NLRC3: variants seen among roughly 807,000 people sequenced by gnomAD.
The protein encoded by NLRC3 is NLR family CARD domain containing 3, also known as NLR family CARD domain-containing protein 3.
Under a neutral mutation model 91.6 loss-of-function variants are expected in NLRC3, and 87 were observed. The ratio of observed to expected loss-of-function variants is 0.95; its 90% CI spans 0.80 to 1.14. The LOEUF is 1.14. Among genes scored for constraint, NLRC3 ranks in the 50% most tolerant of loss-of-function variants. NLRC3 has a pLI of 0.00. For missense variants in NLRC3, 1,577 were observed against 1,418.6 expected (o/e 1.11, Z -1.79); for synonymous variants, 694 against 625.3 (o/e 1.11, Z -1.64).
At position 3,564,436 on chromosome 16, in the gene NLRC3, G is replaced by A. The variant is rs775532022; in HGVS notation, c.501C>T (p.Val167=). ...GCAGCACCAGCGAGAAGTCCTTGCC[G>A]ACCTGCCCATGGGCCCAGAGGCGGA... ...HFVRLWAHGQ[V]GKDFSLVLPL... The change falls in exon 5 of 20, where the codon GTC becomes GTT. Residue 167 remains valine (V), a synonymous_variant. Coordinates refer to ENST00000359128, the MANE Select transcript of NLRC3 (RefSeq NM_178844.4). This position sits in a 1 kb window ranked among gnomAD's most constrained non-coding sequence, Gnocchi z 5.9. 2.0e-5 allele frequency: 33 copies of A among 1,612,630 alleles called. No homozygotes were observed. The highest frequency in any genetic ancestry group is 1.1e-5 in the Non-Finnish European group (13 of 1,179,882).
At chr16:3,569,371 C>CATAT (rs139927647) in intron 1 of NLRC3, among the ~76,000 whole-genome samples, 2 of 70,406 alleles carry the variant, frequency 2.8e-5, no homozygotes, top group African/African-American at 6.7e-5. Flanking sequence ...TTCTGAAAAC[C>CATAT]ATATATATAT....
chr16:3,562,758 C>G (rs2039666997), intron 5 of NLRC3: 2 of 589,618 alleles, frequency 3.4e-6, no homozygotes, highest in East Asian at 5.9e-5. Flanking sequence ...ACACTGGAAG[C>G]TAGAGAGGAA....
chr16:3,557,795 T>C, intron 6 of NLRC3, 119 bp from the exon 7 acceptor site: 1 of 668,766 alleles, frequency 1.5e-6, no homozygotes, highest in Non-Finnish European at 2.7e-6. Context: ...GGTCTGGACA[T>C]AGGTGGAGAT....
rs147949564 is a variant in NLRC3 at position 3,542,840 on chromosome 16, C to T, written c.2940-65G>A. 2,704 of 1,156,294 alleles carry T rather than the reference C, an allele frequency of 2.3e-3. 13 individuals are homozygous for T. Among genetic ancestry groups the T allele is most frequent in the African/African-American group, 0.013 (873 of 65,752 alleles). 71.6% of individuals were successfully genotyped at this position (1,156,294 alleles called of 1,614,324 possible). A position where few individuals can be genotyped will look rare whatever the true frequency, so the allele number is the denominator to read the frequency against. ...CTGAGAGGTGATACTGACCCCTCTG[C>T]GGGTGGGCTTGGGGCTGCTTGGTAG... On this transcript the variant is annotated intron_variant, in intron 17 of 19. Transcript: ENST00000359128.
intron 1 of NLRC3, among the ~76,000 whole-genome samples, chr16:3,573,034 C>G (rs973520697): frequency 7.5e-6 from 1 of 133,724 alleles, no homozygotes; most frequent in African/African-American, 2.8e-5. Flanking sequence ...AAAAAAAAAT[C>G]AAATATCTAG....
rs762739632 is a variant in NLRC3, at chr16:3,544,226, T to C, written c.2855+20A>G. 13 of 1,482,238 alleles carry C rather than the reference T, an allele frequency of 8.8e-6. No individual in the cohort carries two copies. The highest frequency in any genetic ancestry group is 8.4e-5 in the Admixed American group (5 of 59,754). The allele number at this position is 1,482,238 out of a possible 1,614,324, so 91.8% of individuals were successfully genotyped here. A position where few individuals can be genotyped will look rare whatever the true frequency, so the allele number is the denominator to read the frequency against. ...GCGAAGGGACCGGTTTCCTGACTGC[T>C]GCGCACATCTAGGACTTACTAGAGA... On this transcript the variant is annotated intron_variant, in intron 16 of 19. Transcript: ENST00000359128.
At position 3,563,311 on chromosome 16, in the gene NLRC3, G is replaced by C. The variant is rs1211617254; in HGVS notation, c.1626C>G (p.Tyr542Ter). The C allele has an allele frequency of 6.3e-7, 1 of 1,599,818 alleles. No homozygotes were observed. Among genetic ancestry groups the C allele is most frequent in the Non-Finnish European group, 8.5e-7 (1 of 1,174,290 alleles). ...SLLAQGEHQA[Y>*]RTQVAELLQG... ...GCAGGAGCTCAGCCACCTGGGTCCG[G>C]TAGGCCTGGTGCTCGCCTTGGGCCA... The change falls in exon 5 of 20, where the codon TAC becomes TAG. Residue 542 changes from tyrosine to a stop codon, truncating the protein, a stop_gained. Transcript: ENST00000359128. LOFTEE classifies it high-confidence loss of function.
chr16:3,553,384 G>C (rs2039112426), intron 9 of NLRC3, among the ~76,000 whole-genome samples: 1 of 152,232 alleles, frequency 6.6e-6, no homozygotes, highest in African/African-American at 2.4e-5. Flanking sequence ...AATTAGGCTA[G>C]GTATCTGGCT....
intron 9 of NLRC3, among the ~76,000 whole-genome samples, chr16:3,553,754 AT>A (rs35177860): frequency 0.019 from 2,747 of 148,010 alleles, 89 homozygotes; most frequent in African/African-American, 0.06. Context: ...TTTTAATTTT[AT>A]TTTTTTTTGA....
intron 10 of NLRC3, among the ~76,000 whole-genome samples, chr16:3,551,954 C>T (rs896028022): frequency 4.6e-5 from 7 of 151,612 alleles, no homozygotes; most frequent in Admixed American, 6.6e-5. Context: ...TCCATCCATC[C>T]GTCCACTCAT....
At chr16:3,549,668 C>T in intron 12 of NLRC3, 29 bp downstream of exon 12, 1 of 1,510,920 alleles carries the variant, frequency 6.6e-7, no homozygotes, top group Non-Finnish European at 9.0e-7. Context: ...AAAGAAACGC[C>T]CTGTTTGGAG....
rs771830527 is a variant in NLRC3, at chr16:3,563,737, C to G, written c.1200G>C (p.Leu400Phe). ...GCAGCCCATGGAAGGCCAGACGGCC[C>G]AATGTCCCCACCATCTTGCGGCCAC... ...AHGGRKMVGT[L>F]GRLAFHGLLK... Residue 400 changes from leucine to phenylalanine, a missense_variant, in exon 5 of 20, where the codon TTG becomes TTC. Leu to Phe is a conservative substitution (Grantham distance 22, BLOSUM62 0). Coordinates refer to ENST00000359128, the MANE Select transcript of NLRC3 (RefSeq NM_178844.4). The G allele has an allele frequency of 6.2e-7, 1 of 1,613,352 alleles. No individual in the cohort carries two copies. The highest frequency in any genetic ancestry group is 8.5e-7 in the Non-Finnish European group (1 of 1,179,782).
rs773631921 is a variant in NLRC3, at chr16:3,563,415, C to G, written c.1522G>C (p.Gly508Arg). ...AAQRAMQAED[G>R]RLDVFLRFLS... ...AAGCGCAGGAACACGTCCAGCCTCCCGTCCTCTGCCTGCATGGCCCGCTGG... is the reference window on the plus strand; with the variant it reads ...AAGCGCAGGAACACGTCCAGCCTCCGGTCCTCTGCCTGCATGGCCCGCTGG... The change falls in exon 5 of 20, where the codon GGG becomes CGG. Residue 508 changes from glycine (G) to arginine (R), a missense_variant. Physicochemically the swap from Gly to Arg is moderately radical, Grantham distance 125. Transcript: ENST00000359128. 4 of 1,575,730 alleles carry G rather than the reference C, an allele frequency of 2.5e-6. No homozygotes were observed. Among genetic ancestry groups the G allele is most frequent in the South Asian group, 1.2e-5 (1 of 86,176 alleles).
In NLRC3 at chr16:3,560,849, CAG is replaced by C. The variant is rs543678612; in HGVS notation, c.2015+851_2015+852del. ...TAATTTTTTGTATTTTTAGTAGAGA[CAG>C]GGTTTCACCGTGTTAGTCAGGATGG... On this transcript the variant is annotated intron_variant, in intron 6 of 19. Transcript: ENST00000359128. Among the ~76,000 whole-genome samples the C allele has an allele frequency of 5.4e-3, 818 of 151,590 alleles. 6 individuals carry two copies. The highest frequency in any genetic ancestry group is 0.015 in the African/African-American group (610 of 41,378).
At chr16:3,567,832 G>A (rs1302275095) in intron 1 of NLRC3, among the ~76,000 whole-genome samples, 2 of 148,344 alleles carry the variant, frequency 1.3e-5, no homozygotes, top group East Asian at 4.0e-4. Context: ...CAGGCTCCCT[G>A]GCCTTGGATT....
intron 8 of NLRC3, among the ~76,000 whole-genome samples, chr16:3,554,843 C>T (rs2039217441): frequency 6.6e-6 from 1 of 152,114 alleles, no homozygotes; most frequent in African/African-American, 2.4e-5. Context: ...TTCATATAAC[C>T]AAAAGGTGGA....
chr16:3,568,500 G>A (rs149863457), intron 1 of NLRC3, among the ~76,000 whole-genome samples: 4,816 of 152,298 alleles, frequency 0.032, 106 homozygotes, highest in Non-Finnish European at 0.045. Flanking sequence ...GAGGTAGGAG[G>A]ATCACTTGAG....
At position 3,541,596 on chromosome 16, in the gene NLRC3, C is replaced by T. The variant is rs1187134984; in HGVS notation, c.*229G>A. On this transcript the variant is annotated 3_prime_UTR_variant, in exon 20 of 20. Transcript: ENST00000359128. ...GTCCCTTGGGGGTGGCCCCTCCCTT[C>T]TCTGTGCCATAACAGAGTACCCGTC... The T allele has an allele frequency of 3.6e-6, 2 of 557,392 alleles. No homozygotes were observed. The highest frequency in any genetic ancestry group is 3.8e-5 in the African/African-American group (2 of 53,140). The allele number at this position is 557,392 out of a possible 1,614,324, so 34.5% of individuals were successfully genotyped here.
At position 3,564,278 on chromosome 16, in the gene NLRC3, C is replaced by T. The variant is rs773176072; in HGVS notation, c.659G>A (p.Gly220Asp). ...VPARALLILD[G>D]LDECRTPLDF... ...CAGAGGCGTCCTGCACTCATCCAAGCCGTCCAGGATCAGGAGGGCCCTGGC... is the reference window on the plus strand; with the variant it reads ...CAGAGGCGTCCTGCACTCATCCAAGTCGTCCAGGATCAGGAGGGCCCTGGC... Residue 220 changes from glycine to aspartate, a missense_variant, in exon 5 of 20, where the codon GGC becomes GAC. Transcript: ENST00000359128. The surrounding 1 kb of genome is among the most constrained non-coding windows in gnomAD (Gnocchi z 5.9). The T allele has an allele frequency of 6.2e-6, 10 of 1,611,954 alleles. No individual in the cohort carries two copies. The African/African-American group carries it at 1.1e-4, about 17-fold the overall frequency.
Sources: gnomAD v4.1 joint callset for allele counts (sites outside exome capture counted in the v4.1 genomes callset) on GRCh38, gnomAD v4.1.1 for gene constraint, Gnocchi (gnomAD v3.1) non-coding constraint, MANE v1.5 for transcripts, NCBI Gene and HGNC (gene_info 2026-07-23, HGNC 2026-07-21) for gene names.